The following NOTCH2 variants were observed in gnomAD, a reference collection of about 807,000 sequenced individuals.
The protein encoded by NOTCH2 is notch receptor 2.
NOTCH2 carries 29 observed loss-of-function variants against 235.8 expected under a neutral mutation model. That is an observed-to-expected ratio of 0.12 (90% CI 0.09 to 0.17). NOTCH2 has a LOEUF of 0.17. Among genes scored for constraint, NOTCH2 ranks in the 10% least tolerant of loss-of-function variants. The pLI is 1.00. For missense variants in NOTCH2, 2,285 were observed against 3,150.2 expected (o/e 0.73, Z 6.57); for synonymous variants, 1,086 against 1,141.5 (o/e 0.95, Z 0.98).
At chr1:119,931,936 A>G (rs1194367544) in intron 22 of NOTCH2, among the ~76,000 whole-genome samples, 1 of 149,578 alleles carries the variant, frequency 6.7e-6, no homozygotes, top group East Asian at 1.9e-4. Flanking sequence ...GCCAATTTCC[A>G]CAAAACATTA....
At chr1:119,951,191 A>C (rs986431189) in intron 14 of NOTCH2, among the ~76,000 whole-genome samples, 2 of 152,160 alleles carry the variant, frequency 1.3e-5, no homozygotes, top group African/African-American at 4.8e-5. Flanking sequence ...CACTCTTGTC[A>C]TTCAGGCTGG....
intron 2 of NOTCH2, among the ~76,000 whole-genome samples, chr1:120,006,822 T>C (rs1464469263): frequency 2.0e-5 from 3 of 152,196 alleles, no homozygotes; most frequent in Non-Finnish European, 4.4e-5. Context: ...CCTGAAACAC[T>C]GGGGTCATGA....
In NOTCH2 at chr1:119,958,117, A is replaced by T. The variant is rs587643929; in HGVS notation, c.2026+1275T>A. On this transcript the variant is annotated intron_variant, in intron 12 of 33. Transcript: ENST00000256646. The stretch of plus-strand genomic sequence containing the variant: ...CCTATTCTCTTTGTATTACCCACTT[A>T]TCAACAATGTACCTATTATCCTATC... Among the ~76,000 whole-genome samples the T allele has an allele frequency of 1.2e-3, 189 of 152,314 alleles. 13 individuals are homozygous for T. In the South Asian group the frequency reaches 0.038, roughly 31 times the overall value.
intron 4 of NOTCH2, chr1:119,996,478 G>C: frequency 3.3e-6 from 2 of 600,778 alleles, no homozygotes; most frequent in South Asian, 4.0e-5. Flanking sequence ...GGGTACATGG[G>C]AGAGGGTTGT....
intron 5 of NOTCH2, 85 bp from the exon 6 acceptor site, chr1:119,969,829 A>C: frequency 8.4e-7 from 1 of 1,197,600 alleles, no homozygotes; most frequent in Non-Finnish European, 1.2e-6. Context: ...CTTCATCTTC[A>C]TGTGACCTGT....
intron 5 of NOTCH2, among the ~76,000 whole-genome samples, chr1:119,975,134 G>T (rs988221935): frequency 6.6e-6 from 1 of 152,210 alleles, no homozygotes; most frequent in African/African-American, 2.4e-5. Flanking sequence ...TGCAGATCAA[G>T]TTAGTTTTCA....
At chr1:119,938,120 A>G (rs782016746) in intron 19 of NOTCH2, 110 bp from the exon 20 acceptor site, 13 of 1,238,446 alleles carry the variant, frequency 1.0e-5, no homozygotes, top group Non-Finnish European at 1.4e-5. Context: ...GATTAAAAAG[A>G]AAAAGAGCCT....
intron 15 of NOTCH2, among the ~76,000 whole-genome samples, chr1:119,949,953 T>C (rs1472960842): frequency 1.3e-5 from 2 of 152,028 alleles, no homozygotes; most frequent in African/African-American, 4.8e-5. Flanking sequence ...AAACAAGCCA[T>C]AGAAATATAA....
intron 16 of NOTCH2, 48 bp from the exon 17 acceptor site, chr1:119,948,614 C>T (rs782404698): frequency 1.1e-5 from 18 of 1,609,840 alleles, no homozygotes; most frequent in Non-Finnish European, 1.4e-5. Flanking sequence ...AAGCTGATTC[C>T]CACAAAAATC....
rs201052935 is a variant in NOTCH2, at chr1:119,938,332, T to C, written c.3184-322A>G. On this transcript the variant is annotated intron_variant, in intron 19 of 33. Transcript: ENST00000256646. ...GTTAAGTTCCTCTACTTATTTCTGG[T>C]TAAAAAAAAAATCACTAAACTTCAA... 2.0e-5 allele frequency among the ~76,000 whole-genome samples: 3 copies of C among 152,222 alleles called. No homozygotes were observed. In the East Asian group the frequency reaches 5.8e-4, roughly 29 times the overall value.
chr1:119,988,550 C>G (rs1652108125), intron 4 of NOTCH2, among the ~76,000 whole-genome samples: 1 of 152,088 alleles, frequency 6.6e-6, no homozygotes, highest in South Asian at 2.1e-4. Flanking sequence ...ACCAATGAGC[C>G]AGAAAATGAT....
rs1300124063 is a variant in NOTCH2, at chr1:119,997,010, G to A, written c.738C>T (p.Cys246=). ...GGAGCTCCTTACCTGGAAGGCAGTT[G>A]CACTCAAAAGTGAAGTCACCAGTCT... ...CRQTGDFTFE[C]NCLPGFEGST... The change falls in exon 4 of 34, where the codon TGC becomes TGT. Residue 246 remains cysteine, a synonymous_variant. Coordinates refer to ENST00000256646, the MANE Select transcript of NOTCH2 (RefSeq NM_024408.4). 1 of 1,613,746 alleles carries A rather than the reference G, an allele frequency of 6.2e-7. No individual in the cohort carries two copies. Among genetic ancestry groups the A allele is most frequent in the East Asian group, 2.2e-5 (1 of 44,874 alleles).
intron 1 of NOTCH2, among the ~76,000 whole-genome samples, chr1:120,042,555 G>T (rs1654619758): frequency 7.3e-6 from 1 of 136,060 alleles, no homozygotes; most frequent in Non-Finnish European, 1.5e-5. Flanking sequence ...TGGAAAACCA[G>T]TATAAAAGCA....
In NOTCH2 at chr1:119,967,615, C is replaced by T. The variant is rs782688032; in HGVS notation, c.1271G>A (p.Ser424Asn). Residue 424 changes from serine (S) to asparagine (N), a missense_variant, in exon 8 of 34, where the codon AGC (serine) becomes AAC (asparagine). Transcript: ENST00000256646. ...TTTTCCTGCATGCTCACAAGGATTG[C>T]TATTGGCTGAAAGACACAAGTACCA... Reference protein sequence around the residue: ...EDVDECAMANSNPCEHAGKCV... With the variant: ...EDVDECAMANNNPCEHAGKCV... 18 of 1,613,930 alleles carry T rather than the reference C, an allele frequency of 1.1e-5. No individual in the cohort carries two copies. The highest frequency in any genetic ancestry group is 3.3e-5 in the South Asian group (3 of 91,090).
chr1:119,973,721 GA>G (rs1243850334), intron 5 of NOTCH2, among the ~76,000 whole-genome samples: 1 of 152,104 alleles, frequency 6.6e-6, no homozygotes, highest in African/African-American at 2.4e-5. Context: ...ATTTGAGTGG[GA>G]AAAGTTCTTG....
At chr1:119,966,699 G>A (rs1204046693) in intron 8 of NOTCH2, among the ~76,000 whole-genome samples, 13 of 152,084 alleles carry the variant, frequency 8.5e-5, no homozygotes, top group Non-Finnish European at 1.2e-4. Flanking sequence ...TGTGAAAAGC[G>A]GGAAGGGATT....
At chr1:119,917,624 C>G (rs769356453) in intron 33 of NOTCH2, 41 bp downstream of exon 33, 7 of 1,279,848 alleles carry the variant, frequency 5.5e-6, no homozygotes, top group Non-Finnish European at 8.0e-6. Flanking sequence ...AACTGAGGCA[C>G]TGCTATGAGC....
chr1:119,996,297 C>G, intron 4 of NOTCH2: 1 of 291,940 alleles, frequency 3.4e-6, no homozygotes, highest in Non-Finnish European at 6.7e-6. Context: ...TGTGTGCACT[C>G]TAGAACACTT....
intron 1 of NOTCH2, among the ~76,000 whole-genome samples, chr1:120,055,844 T>C (rs1429758469): frequency 6.6e-6 from 1 of 150,774 alleles, no homozygotes; most frequent in African/African-American, 2.4e-5. Flanking sequence ...GTTAATCCAA[T>C]TCTGAATCAC....
Sources: gnomAD v4.1 joint callset for allele counts (sites outside exome capture counted in the v4.1 genomes callset) on GRCh38, gnomAD v4.1.1 for gene constraint, MANE v1.5 for transcripts, NCBI Gene and HGNC (gene_info 2026-07-23, HGNC 2026-07-21) for gene names.